MDGA2: variants seen among roughly 807,000 people sequenced by gnomAD.
MDGA2 encodes MAM domain containing glycosylphosphatidylinositol anchor 2.
MDGA2 carries 40 observed loss-of-function variants against 117.8 expected under a neutral mutation model. That is an observed-to-expected ratio of 0.34 (90% CI 0.26 to 0.44). The LOEUF is 0.44. Among genes scored for constraint, MDGA2 ranks in the 20% least tolerant of loss-of-function variants. The pLI is 1.00. For missense variants in MDGA2, 1,123 were observed against 1,250.6 expected (o/e 0.90, Z 1.54); for synonymous variants, 452 against 439.0 (o/e 1.03, Z -0.37).
chr14:47,434,388 A>G (rs960989634), intron 1 of MDGA2, among the ~76,000 whole-genome samples: 3 of 152,246 alleles, frequency 2.0e-5, no homozygotes, highest in African/African-American at 7.2e-5. Context: ...GTCATATCTC[A>G]TAGAACTAGG....
intron 6 of MDGA2, among the ~76,000 whole-genome samples, chr14:47,076,838 CAT>C (rs1289116771): frequency 6.6e-6 from 1 of 151,984 alleles, no homozygotes; most frequent in Admixed American, 6.6e-5. Context: ...ACATTAGCTT[CAT>C]ATGTTTTATT....
At chr14:47,001,222 C>T (rs900509139) in intron 8 of MDGA2, among the ~76,000 whole-genome samples, 9 of 151,398 alleles carry the variant, frequency 5.9e-5, no homozygotes, top group Non-Finnish European at 8.8e-5. Context: ...AGGAATATGA[C>T]GTACAAATAT....
intron 1 of MDGA2, among the ~76,000 whole-genome samples, chr14:47,431,265 G>C (rs997211330): frequency 6.6e-6 from 1 of 151,872 alleles, no homozygotes; most frequent in African/African-American, 2.4e-5. Flanking sequence ...ACTCAGCTTT[G>C]AAAATGGACT....
At chr14:47,137,578 A>G (rs906013931) in intron 4 of MDGA2, among the ~76,000 whole-genome samples, 2 of 152,078 alleles carry the variant, frequency 1.3e-5, no homozygotes, top group African/African-American at 2.4e-5. Flanking sequence ...GCCTTTTGCC[A>G]TGAGTGAAAG....
Position 47,089,690 on chromosome 14 carries a change from G to C in MDGA2, c.1195+7164C>G, listed in dbSNP as rs147740941. Among the ~76,000 whole-genome samples, 587 of 152,068 alleles carry C rather than the reference G, an allele frequency of 3.9e-3. 5 individuals are homozygous for C. Among genetic ancestry groups the C allele is most frequent in the African/African-American group, 0.014 (561 of 41,472 alleles). ...CATATGTATAGCACATATATACCAT[G>C]GAATACTATGCAGCCATAAAAAAGG... On this transcript the variant is annotated intron_variant, in intron 6 of 16. Coordinates refer to ENST00000399232, the MANE Select transcript of MDGA2 (RefSeq NM_001113498.3).
chr14:47,444,747 T>C (rs145881036), intron 1 of MDGA2, among the ~76,000 whole-genome samples: 1 of 152,068 alleles, frequency 6.6e-6, no homozygotes, highest in Admixed American at 6.6e-5. Context: ...GGTAAGTAAT[T>C]AGATGTAATG....
intron 2 of MDGA2, among the ~76,000 whole-genome samples, chr14:47,255,323 A>C (rs1298167053): frequency 6.6e-6 from 1 of 152,210 alleles, no homozygotes; most frequent in African/African-American, 2.4e-5. Flanking sequence ...ACAACCCTCC[A>C]GGGAGTCACG....
chr14:46,874,906 G>A (rs1262703402), intron 12 of MDGA2, among the ~76,000 whole-genome samples: 2 of 150,314 alleles, frequency 1.3e-5, no homozygotes, highest in African/African-American at 4.9e-5. Flanking sequence ...CTGAAATGTG[G>A]GTGGTAGTAG....
chr14:47,013,793 T>TATATATATAA (rs3985120), intron 8 of MDGA2, among the ~76,000 whole-genome samples: 2 of 134,904 alleles, frequency 1.5e-5, no homozygotes, highest in African/African-American at 2.6e-5. Flanking sequence ...TATATATATA[T>TATATATATAA]CTCCTTTTTT....
intron 8 of MDGA2, among the ~76,000 whole-genome samples, chr14:46,959,405 AC>A: frequency 6.6e-6 from 1 of 151,726 alleles, no homozygotes; most frequent in Non-Finnish European, 1.5e-5. Flanking sequence ...TTAATCTTAT[AC>A]TTTTAATATC....
intron 3 of MDGA2, among the ~76,000 whole-genome samples, chr14:47,152,183 A>T (rs1374270049): frequency 6.6e-6 from 1 of 152,174 alleles, no homozygotes; most frequent in African/African-American, 2.4e-5. Flanking sequence ...TTGTGGTATG[A>T]AAAATTTGAC....
At chr14:46,912,403 T>C (rs1214369763) in intron 10 of MDGA2, among the ~76,000 whole-genome samples, 1 of 152,116 alleles carries the variant, frequency 6.6e-6, no homozygotes, top group Non-Finnish European at 1.5e-5. Flanking sequence ...CCACCTTCAG[T>C]TTCATATCTA....
At chr14:47,305,382 A>C (rs1289171061) in intron 1 of MDGA2, 2 of 152,176 alleles carry the variant, frequency 1.3e-5, no homozygotes, top group African/African-American at 4.8e-5. Context: ...ATATTCATCC[A>C]AATTTTCTTG....
intron 10 of MDGA2, among the ~76,000 whole-genome samples, chr14:46,915,858 C>A (rs1391996405): frequency 6.6e-6 from 1 of 152,122 alleles, no homozygotes; most frequent in Non-Finnish European, 1.5e-5. Context: ...ATAAACACAG[C>A]GGCCAGGCTT....
chr14:47,598,214 T>G (rs760451799), intron 1 of MDGA2, among the ~76,000 whole-genome samples: 1 of 152,190 alleles, frequency 6.6e-6, no homozygotes, highest in Non-Finnish European at 1.5e-5. Context: ...AATCCTTATG[T>G]ATTGTTGATG....
intron 2 of MDGA2, among the ~76,000 whole-genome samples, chr14:47,284,025 C>T (rs747475694): frequency 3.9e-5 from 6 of 152,068 alleles, no homozygotes; most frequent in African/African-American, 9.7e-5. Flanking sequence ...CCTCTGTCCC[C>T]AACAATCTAG....
At chr14:47,376,018 T>C (rs1003645001) in intron 1 of MDGA2, among the ~76,000 whole-genome samples, 2 of 152,164 alleles carry the variant, frequency 1.3e-5, no homozygotes, top group Non-Finnish European at 2.9e-5. Context: ...ATGTAATGCA[T>C]GTTTCTGAAA....
intron 6 of MDGA2, among the ~76,000 whole-genome samples, chr14:47,064,880 C>T (rs1440613757): frequency 6.6e-6 from 1 of 152,028 alleles, no homozygotes; most frequent in Admixed American, 6.6e-5. Flanking sequence ...AGATTTTAAA[C>T]TCTTAAAATC....
At chr14:47,208,122 T>G (rs947231817) in intron 3 of MDGA2, among the ~76,000 whole-genome samples, 2 of 152,112 alleles carry the variant, frequency 1.3e-5, no homozygotes, top group South Asian at 4.1e-4. Context: ...TTTAAAGAGC[T>G]TCTTATTTTG....
Sources: allele counts gnomAD v4.1 joint callset (sites outside exome capture counted in the v4.1 genomes callset), GRCh38; gene constraint gnomAD v4.1.1; transcripts MANE v1.5; gene names NCBI Gene and HGNC (gene_info 2026-07-23, HGNC 2026-07-21).